ZNF347: variants seen among roughly 807,000 people sequenced by gnomAD.
The protein encoded by ZNF347 is CTD-2620I22.7.
ZNF347 carries 19 observed loss-of-function variants against 12.9 expected under a neutral mutation model. That is an observed-to-expected ratio of 1.47 (90% CI 1.03 to 2.16). The LOEUF (loss-of-function observed/expected upper bound fraction) is 2.16, where lower values mean the gene tolerates loss of function less well. Among genes scored for constraint, ZNF347 ranks in the 30% most tolerant of loss-of-function variants. The pLI is 0.00. For missense variants in ZNF347, 1,005 were observed against 990.6 expected (o/e 1.01, Z -0.19); for synonymous variants, 328 against 340.6 (o/e 0.96, Z 0.41).
At chr19:53,148,133 C>T (rs1018209243) in intron 4 of ZNF347, among the ~76,000 whole-genome samples, 1 of 152,166 alleles carries the variant, frequency 6.6e-6, no homozygotes, top group Non-Finnish European at 1.5e-5. Context: ...TTCTATTCAA[C>T]ATAGCATTGA....
chr19:53,142,263 G>A lies in ZNF347; in HGVS notation c.565C>T (p.Gln189Ter). ...AGCTGCAGTTCAGGCAGATGTGACT[G>A]AAGGCTTAATCCAAGCTGATTTTTA... ...LIKNQLGLSLQSHLPELQLFQ... is the reference protein window; with the variant it reads ...LIKNQLGLSL Residue 189 changes from glutamine (Q) to a stop codon, truncating the protein, a stop_gained, in exon 5 of 5, where the codon CAG becomes TAG. Transcript: ENST00000334197. LOFTEE classifies it low-confidence loss of function (END_TRUNC). The A allele has an allele frequency of 6.2e-7, 1 of 1,613,644 alleles. No individual in the cohort carries two copies.
intron 2 of ZNF347, among the ~76,000 whole-genome samples, chr19:53,151,988 G>A (rs1394238134): frequency 6.6e-6 from 1 of 150,398 alleles, no homozygotes; most frequent in East Asian, 2.0e-4. Flanking sequence ...AGCTACTCAG[G>A]AGGGTGAGGC....
chr19:53,138,910 A>AAAAAC lies in ZNF347; in HGVS notation c.*1393_*1397dup, dbSNP rs368290386. ...TCCAGCAATTAGTGTGAATTCTACT[A>AAAAAC]AAAACAAAACAAAACAAAAAAAACC... On this transcript the variant is annotated 3_prime_UTR_variant, in exon 5 of 5. Transcript: ENST00000334197. The AAAAAC allele has an allele frequency of 5.9e-5, 9 of 152,164 alleles. No individual in the cohort carries two copies. The highest frequency in any genetic ancestry group is 8.8e-5 in the Non-Finnish European group (6 of 68,022). The allele number at this position is 152,164 out of a possible 1,614,324, so 9.4% of individuals were successfully genotyped here. A position where few individuals can be genotyped will look rare whatever the true frequency, so the allele number is the denominator to read the frequency against.
In ZNF347 at chr19:53,138,203, C is replaced by G. The variant is rs577949824; in HGVS notation, c.*2105G>C. 1 of 152,386 alleles carries G rather than the reference C, an allele frequency of 6.6e-6. No homozygotes were observed. The highest frequency in any genetic ancestry group is 1.9e-4 in the East Asian group (1 of 5,178). The allele number at this position is 152,386 out of a possible 1,614,324, so 9.4% of individuals were successfully genotyped here. ...CGATCTTGGCTCACTGCAACCTCTG[C>G]CTCCAGGCTCAAGTGATCCACCTGC... On this transcript the variant is annotated 3_prime_UTR_variant, in exon 5 of 5. Transcript: ENST00000334197.
chr19:53,148,549 G>T (rs2090476893), intron 4 of ZNF347, 132 bp downstream of exon 4: 1 of 1,093,358 alleles, frequency 9.1e-7, no homozygotes, highest in Non-Finnish European at 1.3e-6. Context: ...TAGACAAAAG[G>T]GGGCAAATAA....
In ZNF347 at chr19:53,139,565, C is replaced by G. The variant is rs1377229866; in HGVS notation, c.*743G>C. The G allele has an allele frequency of 6.6e-6, 1 of 152,136 alleles. No homozygotes were observed. The highest frequency in any genetic ancestry group is 6.5e-5 in the Admixed American group (1 of 15,278). The allele number at this position is 152,136 out of a possible 1,614,324, so 9.4% of individuals were successfully genotyped here. A position where few individuals can be genotyped will look rare whatever the true frequency, so the allele number is the denominator to read the frequency against. ...TAGCCATTTCCAAATGTCCTTTGACCTTTGAAATATATAATGTCTTAAGTT... is the reference window on the plus strand; with the variant it reads ...TAGCCATTTCCAAATGTCCTTTGACGTTTGAAATATATAATGTCTTAAGTT... On this transcript the variant is annotated 3_prime_UTR_variant, in exon 5 of 5. Transcript: ENST00000334197.
intron 4 of ZNF347, among the ~76,000 whole-genome samples, chr19:53,146,913 A>G (rs1351258157): frequency 6.6e-6 from 1 of 152,170 alleles, no homozygotes; most frequent in Non-Finnish European, 1.5e-5. Flanking sequence ...GAATGGATTC[A>G]CTGCTGAATT....
intron 2 of ZNF347, among the ~76,000 whole-genome samples, chr19:53,153,297 G>T (rs1442307858): frequency 6.6e-6 from 1 of 152,170 alleles, no homozygotes; most frequent in Non-Finnish European, 1.5e-5. Flanking sequence ...ATGTAAATGA[G>T]CCAGAAAAAT....
chr19:53,156,425 C>T (rs2090536469), intron 1 of ZNF347, among the ~76,000 whole-genome samples: 1 of 151,886 alleles, frequency 6.6e-6, no homozygotes, highest in Admixed American at 6.6e-5. Context: ...AAAAAGACTG[C>T]ATGACGAGGT....
chr19:53,140,907 T>G lies in ZNF347; in HGVS notation c.1921A>C (p.Thr641Pro). 7 of 1,613,030 alleles carry G rather than the reference T, an allele frequency of 4.3e-6. No homozygotes were observed. Among genetic ancestry groups the G allele is most frequent in the Non-Finnish European group, 5.9e-6 (7 of 1,179,770 alleles). ...CCAGTATGGATGACCTGATGGGTAG[T>G]TAGGTTTGAATGTTCACTAAAGGCT... ...GKAFSEHSNLTTHQVIHTGEK... is the reference protein window; with the variant it reads ...GKAFSEHSNLPTHQVIHTGEK... The change falls in exon 5 of 5, where the codon ACT becomes CCT. Residue 641 changes from threonine to proline, a missense_variant. By Grantham distance (38) the Thr-to-Pro change is conservative (BLOSUM62 -1). Transcript: ENST00000334197.
intron 3 of ZNF347, chr19:53,149,014 T>C (rs1454470415): frequency 7.4e-6 from 8 of 1,086,098 alleles, no homozygotes; most frequent in South Asian, 3.4e-5. Context: ...AATCAAAGCA[T>C]GGGGATAGAA....
chr19:53,139,762 G>T lies in ZNF347; in HGVS notation c.*546C>A, dbSNP rs998688553. ...TTTGTGTGGTTCCATCAAATACGTA[G>T]ATTTTAATGCCTGCAAAGCTGTGAG... On this transcript the variant is annotated 3_prime_UTR_variant, in exon 5 of 5. Coordinates refer to ENST00000334197, the MANE Select transcript of ZNF347 (RefSeq NM_032584.3). 2 of 152,908 alleles carry T rather than the reference G, an allele frequency of 1.3e-5. No homozygotes were observed. The highest frequency in any genetic ancestry group is 2.9e-5 in the Non-Finnish European group (2 of 68,598). 9.5% of individuals were successfully genotyped at this position (152,908 alleles called of 1,614,324 possible).
intron 4 of ZNF347, among the ~76,000 whole-genome samples, chr19:53,143,678 C>G (rs964086230): frequency 2.0e-5 from 3 of 152,060 alleles, no homozygotes; most frequent in Non-Finnish European, 2.9e-5. Flanking sequence ...AATAGTGCCA[C>G]AATAAACATA....
chr19:53,143,496 C>T (rs371801892), intron 4 of ZNF347, among the ~76,000 whole-genome samples: 331 of 150,190 alleles, frequency 2.2e-3, no homozygotes, highest in Middle Eastern at 0.01. Context: ...TTTGTCCTTG[C>T]GATAGTTTGC....
intron 2 of ZNF347, among the ~76,000 whole-genome samples, chr19:53,150,012 A>G (rs2090487711): frequency 6.6e-6 from 1 of 152,178 alleles, no homozygotes; most frequent in African/African-American, 2.4e-5. Flanking sequence ...CAATATAAAT[A>G]AAGTGTTTCC....
intron 4 of ZNF347, among the ~76,000 whole-genome samples, chr19:53,143,384 C>G (rs1363554292): frequency 2.6e-5 from 3 of 115,996 alleles, no homozygotes; most frequent in Middle Eastern, 5.9e-3. Context: ...CCCCTCCCCC[C>G]ACCCCACAAC....
rs375437187 is a variant in ZNF347, at chr19:53,140,338, G to T, written c.2490C>A (p.Phe830Leu). The T allele has an allele frequency of 5.7e-6, 9 of 1,570,348 alleles. No homozygotes were observed. In the African/African-American group the frequency reaches 9.6e-5, roughly 17 times the overall value. ...CNVWKVLKSEFKPCKPSQNS is the reference protein window; with the variant it reads ...CNVWKVLKSELKPCKPSQNS ...AATTCTGTGATGGCTTGCAAGGTTT[G>T]AACTCTGACTTTAGAACTTTCCACA... Residue 830 changes from phenylalanine to leucine, a missense_variant, in exon 5 of 5, where the codon TTC (phenylalanine) becomes TTA (leucine). Physicochemically the swap from Phe to Leu is conservative, Grantham distance 22. Transcript: ENST00000334197.
At chr19:53,151,096 C>A (rs992506963) in intron 2 of ZNF347, among the ~76,000 whole-genome samples, 3 of 152,096 alleles carry the variant, frequency 2.0e-5, no homozygotes, top group African/African-American at 7.2e-5. Flanking sequence ...AATATGATAG[C>A]CCATGAGAGA....
rs1188589070 is a variant in ZNF347 at position 53,142,444 on chromosome 19, T to G, written c.384A>C (p.Gly128=). 2.7e-5 allele frequency: 43 copies of G among 1,614,030 alleles called. No individual in the cohort carries two copies. Among genetic ancestry groups the G allele is most frequent in the Non-Finnish European group, 3.6e-5 (43 of 1,179,996 alleles). ...LERQESQDIE[G]CSFREVQKNT... ...TTTTCTGGACTTCCCTGAAGGAACA[T>G]CCTTCAATGTCTTGGCTTTCCTGTC... is the stretch of plus-strand genomic sequence containing the variant. Residue 128 remains glycine, a synonymous_variant, in exon 5 of 5, where the codon GGA becomes GGC. Coordinates refer to ENST00000334197, the MANE Select transcript of ZNF347 (RefSeq NM_032584.3).
Sources: gnomAD v4.1 joint callset for allele counts (sites outside exome capture counted in the v4.1 genomes callset) on GRCh38, gnomAD v4.1.1 for gene constraint, MANE v1.5 for transcripts, NCBI Gene and HGNC (gene_info 2026-07-23, HGNC 2026-07-21) for gene names.